The following LDLRAD3 variants were observed in gnomAD, a reference collection of about 807,000 sequenced individuals.
The protein encoded by LDLRAD3 is low density lipoprotein receptor class A domain containing 3.
In LDLRAD3, 20 loss-of-function variants were observed where a neutral mutation model predicts 29.4. That is an observed-to-expected ratio of 0.68 (90% CI 0.48 to 0.99). The LOEUF is 0.99. Ranked by LOEUF, LDLRAD3 falls within the 50% of genes least tolerant of loss-of-function variation. The pLI is 0.00. For missense variants in LDLRAD3, 420 were observed against 454.3 expected, an observed-to-expected ratio of 0.92 and a Z score of 0.69; for synonymous variants, 157 against 192.7, an observed-to-expected ratio of 0.81 and a Z score of 1.53.
At chr11:35,972,913 C>G (rs1181493467) in intron 1 of LDLRAD3, 1 of 152,076 alleles carries the variant, frequency 6.6e-6, no homozygotes, top group Middle Eastern at 3.1e-3. Context: ...ATTAGCCAGG[C>G]ATGGTGGTGT....
chr11:35,999,247 C>T (rs12274406), intron 1 of LDLRAD3, among the ~76,000 whole-genome samples: 79,792 of 151,970 alleles, frequency 0.53, 24,021 homozygotes, highest in African/African-American at 0.84. Context: ...AGCCTAGAAC[C>T]GAATGTATGT....
intron 4 of LDLRAD3, among the ~76,000 whole-genome samples, chr11:36,209,353 CTTTTTTTTTTTT>C (rs71044560): frequency 5.8e-5 from 4 of 68,604 alleles, no homozygotes; most frequent in Non-Finnish European, 1.1e-4. Flanking sequence ...AGAAACTGTA[CTTTTTTTTTTTT>C]TTTTTTTTTT....
intron 4 of LDLRAD3, among the ~76,000 whole-genome samples, chr11:36,157,264 A>T (rs4756289): frequency 0.21 from 31,957 of 152,030 alleles, 4,235 homozygotes; most frequent in African/African-American, 0.35. Context: ...AAACGGGAAC[A>T]TTAATAATTT....
intron 1 of LDLRAD3, among the ~76,000 whole-genome samples, chr11:35,966,147 G>C (rs1851338332): frequency 6.6e-6 from 1 of 152,194 alleles, no homozygotes; most frequent in African/African-American, 2.4e-5. Flanking sequence ...AAAAATGCAG[G>C]CTGGGCGCAG....
At chr11:36,098,013 C>T (rs1385058316) in intron 3 of LDLRAD3, among the ~76,000 whole-genome samples, 4 of 152,106 alleles carry the variant, frequency 2.6e-5, no homozygotes, top group African/African-American at 9.7e-5. Flanking sequence ...GTTGATGAAC[C>T]CAAGATTTGA....
intron 2 of LDLRAD3, among the ~76,000 whole-genome samples, chr11:36,038,278 A>T (rs555224798): frequency 3.0e-4 from 46 of 152,284 alleles, no homozygotes; most frequent in African/African-American, 7.0e-4. Context: ...CCTCAGAATT[A>T]CTAGAGCTAT....
chr11:36,010,458 A>G (rs1048281389), intron 1 of LDLRAD3, among the ~76,000 whole-genome samples: 2 of 152,182 alleles, frequency 1.3e-5, no homozygotes, highest in African/African-American at 4.8e-5. Context: ...TAGCTTCCAA[A>G]TTGGATTTTC....
intron 4 of LDLRAD3, among the ~76,000 whole-genome samples, chr11:36,155,498 G>T (rs1201029680): frequency 6.6e-6 from 1 of 152,044 alleles, no homozygotes; most frequent in Admixed American, 6.6e-5. Flanking sequence ...TTCTCCCCAC[G>T]CTGGCCTCCG....
chr11:36,072,054 G>C (rs890764889), intron 2 of LDLRAD3, among the ~76,000 whole-genome samples: 45 of 152,338 alleles, frequency 3.0e-4, no homozygotes, highest in African/African-American at 9.9e-4. Context: ...AAAAGCAAGG[G>C]TGGTGATATT....
chr11:36,071,042 A>G (rs1852892989), intron 2 of LDLRAD3, among the ~76,000 whole-genome samples: 2 of 152,196 alleles, frequency 1.3e-5, no homozygotes, highest in Non-Finnish European at 2.9e-5. Flanking sequence ...GAATGATAAA[A>G]AGAAGAGTCA....
At chr11:36,058,260 C>G (rs1352650521) in intron 2 of LDLRAD3, among the ~76,000 whole-genome samples, 2 of 152,206 alleles carry the variant, frequency 1.3e-5, no homozygotes, top group African/African-American at 4.8e-5. Context: ...GTGCCTCTGT[C>G]TTCCAGGCAC....
chr11:36,100,190 A>T (rs1853425164), intron 4 of LDLRAD3, among the ~76,000 whole-genome samples: 2 of 152,198 alleles, frequency 1.3e-5, no homozygotes, highest in Admixed American at 1.3e-4. Flanking sequence ...ATGCACACTG[A>T]AGGCTGAGCT....
At chr11:36,038,477 A>G (rs1049074312) in intron 2 of LDLRAD3, among the ~76,000 whole-genome samples, 1 of 152,218 alleles carries the variant, frequency 6.6e-6, no homozygotes, top group Non-Finnish European at 1.5e-5. Context: ...TCAGTTTCTG[A>G]AAGAACGCAG....
chr11:36,229,615 G>T lies in LDLRAD3; in HGVS notation c.*218G>T. ...ATCTGTTGTGCGTCTTTTCTGTCAG[G>T]TCACTCTTCCCTTGGGACCCGAGAT... On this transcript the variant is annotated 3_prime_UTR_variant, in exon 6 of 6. Coordinates refer to ENST00000315571, the MANE Select transcript of LDLRAD3 (RefSeq NM_174902.4). 12 of 434,852 alleles carry T rather than the reference G, an allele frequency of 2.8e-5. No individual in the cohort carries two copies. The highest frequency in any genetic ancestry group is 2.1e-4 in the South Asian group (3 of 14,564). The allele number at this position is 434,852 out of a possible 1,614,324, so 26.9% of individuals were successfully genotyped here. A position where few individuals can be genotyped will look rare whatever the true frequency, so the allele number is the denominator to read the frequency against.
At chr11:36,103,045 A>C (rs1271696840) in intron 4 of LDLRAD3, among the ~76,000 whole-genome samples, 1 of 152,126 alleles carries the variant, frequency 6.6e-6, no homozygotes, top group Non-Finnish European at 1.5e-5. Flanking sequence ...GTAGATGTTA[A>C]GTATGTTCAC....
At chr11:35,985,626 G>A (rs2133161570) in intron 1 of LDLRAD3, among the ~76,000 whole-genome samples, 1 of 152,230 alleles carries the variant, frequency 6.6e-6, no homozygotes, top group South Asian at 2.1e-4. Context: ...GGAGGGATCT[G>A]GTGGGAGGTA....
At chr11:35,969,612 T>C (rs1382847487) in intron 1 of LDLRAD3, among the ~76,000 whole-genome samples, 4 of 152,204 alleles carry the variant, frequency 2.6e-5, no homozygotes, top group African/African-American at 9.7e-5. Flanking sequence ...AGTGTTGAGG[T>C]TGCTCAGGGT....
intron 3 of LDLRAD3, among the ~76,000 whole-genome samples, chr11:36,097,176 G>A (rs1590264248): frequency 6.6e-6 from 1 of 152,188 alleles, no homozygotes; most frequent in East Asian, 1.9e-4. Flanking sequence ...TGGAGGAGCT[G>A]CTCAGAAAAT....
intron 1 of LDLRAD3, among the ~76,000 whole-genome samples, chr11:35,988,647 G>T (rs182461272): frequency 6.6e-6 from 1 of 151,606 alleles, no homozygotes; most frequent in Non-Finnish European, 1.5e-5. Flanking sequence ...GCAGTGGTGC[G>T]ATCTTGGCCC....
Sources: allele counts gnomAD v4.1 joint callset (sites outside exome capture counted in the v4.1 genomes callset), GRCh38; gene constraint gnomAD v4.1.1; transcripts MANE v1.5; gene names NCBI Gene and HGNC (gene_info 2026-07-23, HGNC 2026-07-21).